NBEAL1: variants seen among roughly 807,000 people sequenced by gnomAD.
NBEAL1 encodes the protein neurobeachin-like protein 1.
Under a neutral mutation model 351.3 loss-of-function variants are expected in NBEAL1, and 273 were observed. The ratio of observed to expected loss-of-function variants is 0.78; its 90% CI spans 0.70 to 0.86. The LOEUF is 0.86. NBEAL1 is among the 40% of genes least tolerant of loss of function. NBEAL1 has a pLI of 0.00. For synonymous variants in NBEAL1, 1,050 were observed against 1,086.4 expected, an observed-to-expected ratio of 0.97 and a Z score of 0.66; for missense variants, 2,961 against 3,201.3, an observed-to-expected ratio of 0.92 and a Z score of 1.81.
rs751937785 is a variant in NBEAL1, at chr2:203,172,043, T to C, written c.6198+20T>C. The C allele has an allele frequency of 6.9e-7, 1 of 1,441,818 alleles. No homozygotes were observed. Among genetic ancestry groups the C allele is most frequent in the Non-Finnish European group, 9.5e-7 (1 of 1,053,596 alleles). 89.3% of individuals were successfully genotyped at this position (1,441,818 alleles called of 1,614,324 possible). ...CCTGTGGTAAGTTTTGCATAAACCT[T>C]ATAAATGTGGAATTGCCCTACAGTT... On this transcript the variant is annotated intron_variant, in intron 40 of 55. Transcript: ENST00000683969.
At chr2:203,149,647 C>T (rs1381892467) in intron 34 of NBEAL1, among the ~76,000 whole-genome samples, 1 of 152,000 alleles carries the variant, frequency 6.6e-6, no homozygotes, top group Admixed American at 6.6e-5. Context: ...TAATGTTGTA[C>T]AATCATCACC....
In NBEAL1 at chr2:203,113,263, TATC is replaced by T. The variant is rs2062613347; in HGVS notation, c.2455_2457del (p.Ile819del). On this transcript the variant is annotated inframe_deletion, in exon 17 of 56. Coordinates refer to ENST00000683969, the MANE Select transcript of NBEAL1 (RefSeq NM_001378026.1). ...CTCTGGAGGGTCAGCTAGGATCTGTTATCATCTTTTATGAACCACTACAACCTC... is the reference window on the plus strand; with the variant it reads ...CTCTGGAGGGTCAGCTAGGATCTGTTATCTTTTATGAACCACTACAACCTC... 1 of 1,488,152 alleles carries T rather than the reference TATC, an allele frequency of 6.7e-7. No homozygotes were observed. The highest frequency in any genetic ancestry group is 2.5e-5 in the East Asian group (1 of 39,948). The allele number at this position is 1,488,152 out of a possible 1,614,324, so 92.2% of individuals were successfully genotyped here.
intron 44 of NBEAL1, among the ~76,000 whole-genome samples, chr2:203,185,354 T>G (rs998724838): frequency 2.0e-5 from 3 of 152,156 alleles, no homozygotes; most frequent in Admixed American, 2.0e-4. Flanking sequence ...AGTAACAAAC[T>G]GTTCCAAAAT....
intron 15 of NBEAL1, among the ~76,000 whole-genome samples, chr2:203,111,358 T>C (rs1473335308): frequency 6.6e-6 from 1 of 151,904 alleles, no homozygotes; most frequent in Non-Finnish European, 1.5e-5. Flanking sequence ...AGATGATAGA[T>C]TGTTTTGTGT....
At position 203,172,849 on chromosome 2, in the gene NBEAL1, G is replaced by A. The variant is rs1456113311; in HGVS notation, c.6319G>A (p.Glu2107Lys). 1 of 1,600,818 alleles carries A rather than the reference G, an allele frequency of 6.2e-7. No homozygotes were observed. The highest frequency in any genetic ancestry group is 1.3e-5 in the African/African-American group (1 of 74,434). The change falls in exon 41 of 56, where the codon GAA becomes AAA. Residue 2107 changes from glutamate (E) to lysine (K), a missense_variant. Glu to Lys is a moderately conservative substitution (Grantham distance 56, BLOSUM62 1). Coordinates refer to ENST00000683969, the MANE Select transcript of NBEAL1 (RefSeq NM_001378026.1). ...TGAAAAAAACGCCAAAGCTATGAGA[G>A]AAAAGTAAGTGCTTCTTATTCCTTT... ...VNEKNAKAMREKYENFEDPMG... is the reference protein window; with the variant it reads ...VNEKNAKAMRKKYENFEDPMG...
At chr2:203,122,192 A>T in intron 18 of NBEAL1, 62 bp from the exon 19 acceptor site, 1 of 899,600 alleles carries the variant, frequency 1.1e-6, no homozygotes. Context: ...AATGTTCTAT[A>T]TGTGGTTAAA....
intron 51 of NBEAL1, among the ~76,000 whole-genome samples, chr2:203,205,878 G>A (rs1192807350): frequency 5.3e-5 from 8 of 152,226 alleles, no homozygotes; most frequent in Admixed American, 5.2e-4. Context: ...TACTCACAGG[G>A]AAAGACAAAT....
chr2:203,063,530 GGGAA>G (rs2061533813), intron 6 of NBEAL1, among the ~76,000 whole-genome samples: 1 of 151,186 alleles, frequency 6.6e-6, no homozygotes, highest in African/African-American at 2.4e-5. Context: ...GAGGGAGCGA[GGGAA>G]GGAAGGAGAA....
chr2:203,018,994 G>GA (rs1214603588), intron 2 of NBEAL1, among the ~76,000 whole-genome samples: 1 of 152,172 alleles, frequency 6.6e-6, no homozygotes, highest in African/African-American at 2.4e-5. Context: ...GTATTTTGTT[G>GA]AAAATATCTG....
At chr2:203,068,207 C>T (rs979676993) in intron 6 of NBEAL1, among the ~76,000 whole-genome samples, 186 bp from the exon 7 acceptor site, 2 of 152,132 alleles carry the variant, frequency 1.3e-5, no homozygotes, top group Admixed American at 6.5e-5. Flanking sequence ...AAAAATAAAT[C>T]TGTTAATTGA....
At chr2:203,106,647 A>G (rs1052698965) in intron 12 of NBEAL1, among the ~76,000 whole-genome samples, 3 of 152,118 alleles carry the variant, frequency 2.0e-5, no homozygotes, top group African/African-American at 7.2e-5. Flanking sequence ...TCAAAAGATT[A>G]TATAACAAAA....
chr2:203,169,952 TC>T, intron 39 of NBEAL1, 101 bp downstream of exon 39: 1 of 735,022 alleles, frequency 1.4e-6, no homozygotes, highest in South Asian at 1.6e-5. Context: ...CTGCTGTTCT[TC>T]CATTCAGACT....
rs2065957696 is a variant in NBEAL1 at position 203,221,886 on chromosome 2, G to A, written c.*4532G>A. Among the ~76,000 whole-genome samples, 1 of 152,128 alleles carries A rather than the reference G, an allele frequency of 6.6e-6. No individual in the cohort carries two copies. Among genetic ancestry groups the A allele is most frequent in the Non-Finnish European group, 1.5e-5 (1 of 68,020 alleles). ...TGATTTAAAATGTGGACCACAGCCT[G>A]CCTTCTTTAGTTTAAATCTAGGCCA... On this transcript the variant is annotated 3_prime_UTR_variant, in exon 56 of 56. Coordinates refer to ENST00000683969, the MANE Select transcript of NBEAL1 (RefSeq NM_001378026.1).
At chr2:203,017,567 A>C (rs966223388) in intron 2 of NBEAL1, among the ~76,000 whole-genome samples, 1 of 152,180 alleles carries the variant, frequency 6.6e-6, no homozygotes. Context: ...ACTTTTGAAA[A>C]TAGTCACTAA....
chr2:203,194,319 G>A (rs1242816591), intron 47 of NBEAL1, among the ~76,000 whole-genome samples: 2 of 152,152 alleles, frequency 1.3e-5, no homozygotes, highest in East Asian at 3.8e-4. Context: ...TAAAACAGGA[G>A]TAGTTAATGG....
At chr2:203,201,233 C>T (rs2065390908) in intron 49 of NBEAL1, among the ~76,000 whole-genome samples, 1 of 152,190 alleles carries the variant, frequency 6.6e-6, no homozygotes, top group South Asian at 2.1e-4. Context: ...AACTTTAAGG[C>T]TGTCATTTAC....
At chr2:203,191,319 G>GAAAA in intron 46 of NBEAL1, 25 of 392,220 alleles carry the variant, frequency 6.4e-5, no homozygotes, top group South Asian at 2.6e-4. Flanking sequence ...TTTGACAACT[G>GAAAA]AAAAAAAAAA....
At chr2:203,047,439 A>G (rs1350088813) in intron 3 of NBEAL1, among the ~76,000 whole-genome samples, 6 of 152,086 alleles carry the variant, frequency 3.9e-5, no homozygotes, top group Non-Finnish European at 1.5e-5. Context: ...GATAACTTCC[A>G]TTTTTTAGAT....
chr2:203,126,894 G>A lies in NBEAL1; in HGVS notation c.3216G>A (p.Gln1072=), dbSNP rs139126648. ...RRVFRKKYGV[Q]FLLDTLRIYY... The stretch of plus-strand genomic sequence containing the variant: ...TTTTCCGAAAGAAGTATGGTGTGCA[G>A]TTTCTCCTAGATACACTTAGGATTT... Residue 1072 remains glutamine, a synonymous_variant, in exon 23 of 56, where the codon CAG becomes CAA. Transcript: ENST00000683969. The A allele has an allele frequency of 1.6e-4, 251 of 1,552,022 alleles. 7 individuals carry two copies. The highest frequency in any genetic ancestry group is 1.2e-3 in the Middle Eastern group (7 of 5,952).
Sources: allele counts gnomAD v4.1 joint callset (sites outside exome capture counted in the v4.1 genomes callset), GRCh38; gene constraint gnomAD v4.1.1; transcripts MANE v1.5; gene names NCBI Gene and HGNC (gene_info 2026-07-23, HGNC 2026-07-21).